ATP2B4: variants seen among roughly 807,000 people sequenced by gnomAD.
ATP2B4 encodes the protein ATPase plasma membrane Ca2+ transporting 4.
In ATP2B4, 39 loss-of-function variants were observed where a neutral mutation model predicts 110.3. The ratio of observed to expected loss-of-function variants is 0.35; its 90% CI spans 0.27 to 0.46. ATP2B4 has a LOEUF of 0.46. ATP2B4 is among the 20% of genes least tolerant of loss of function. ATP2B4 has a pLI of 1.00. For synonymous variants in ATP2B4, 538 were observed against 571.7 expected, an observed-to-expected ratio of 0.94 and a Z score of 0.84; for missense variants, 1,135 against 1,530.9, an observed-to-expected ratio of 0.74 and a Z score of 4.32.
At chr1:203,730,242 AAAG>A (rs1444294515) in intron 20 of ATP2B4, among the ~76,000 whole-genome samples, 2 of 151,432 alleles carry the variant, frequency 1.3e-5, no homozygotes, top group East Asian at 1.9e-4. Context: ...AAAAAAAAAA[AAAG>A]AAGAAAAAGA....
At position 203,710,980 on chromosome 1, in the gene ATP2B4, C is replaced by T; in HGVS notation, c.1903C>T (p.Leu635Phe). The T allele has an allele frequency of 1.2e-6, 2 of 1,614,084 alleles. No homozygotes were observed. Among genetic ancestry groups the T allele is most frequent in the African/African-American group, 1.3e-5 (1 of 75,022 alleles). The part of the protein sequence containing the change: ...TVIEPMACDG[L>F]RTICIAYRDF... ...CATCGAGCCCATGGCCTGTGATGGACTCCGGACTATCTGCATAGCTTACCG... is the reference window on the plus strand; with the variant it reads ...CATCGAGCCCATGGCCTGTGATGGATTCCGGACTATCTGCATAGCTTACCG... The change falls in exon 12 of 21, where the codon CTC becomes TTC. Residue 635 changes from leucine (L) to phenylalanine (F), a missense_variant. This residue lies in a region of ATP2B4 where 368 missense variants were observed against 455.9 expected (regional missense o/e 0.81). Transcript: ENST00000357681.
chr1:203,732,157 CAAAAAAA>C lies in ATP2B4; in HGVS notation c.3309+4599_3309+4605del, dbSNP rs567953858. Among the ~76,000 whole-genome samples, 27 of 48,112 alleles carry C rather than the reference CAAAAAAA, an allele frequency of 5.6e-4. No individual in the cohort carries two copies. The South Asian group carries it at 0.019, about 34-fold the overall frequency. 31.6% of individuals were successfully genotyped at this position (48,112 alleles called of 152,430 possible). On this transcript the variant is annotated intron_variant, in intron 20 of 20. Transcript: ENST00000357681. ...GCACCTTGCACTCCAGCCTGGGTGT[CAAAAAAA>C]AAAAAAAAAAAAGGAAGGAAGGAAG...
rs763293162 is a variant in ATP2B4, at chr1:203,720,768, G to A, written c.2598+28G>A. On this transcript the variant is annotated intron_variant, in intron 16 of 20. Coordinates refer to ENST00000357681, the MANE Select transcript of ATP2B4 (RefSeq NM_001684.5). ...GAAGGGGGTGTGGGTGGGCTGAGAC[G>A]GGAGGGATGAGTCAGGGGCTAAGGA... The A allele has an allele frequency of 1.5e-5, 24 of 1,595,040 alleles. No individual in the cohort carries two copies. The South Asian group carries it at 1.9e-4, about 13-fold the overall frequency.
Position 203,698,326 on chromosome 1 carries a change from T to G in ATP2B4, c.363T>G (p.Phe121Leu). 6.2e-7 allele frequency: 1 copy of G among 1,614,136 alleles called. No homozygotes were observed. Among genetic ancestry groups the G allele is most frequent in the Non-Finnish European group, 8.5e-7 (1 of 1,180,022 alleles). Reference sequence around the variant, plus strand: ...CCATCATCTCCCTGGTCCTGTCCTTTTATCGCCCTGCTGGTGAAGAAAATG... The same window carrying G: ...CCATCATCTCCCTGGTCCTGTCCTTGTATCGCCCTGCTGGTGAAGAAAATG... ...IAAIISLVLS[F>L]YRPAGEENEL... is the part of the protein sequence containing the mutation. Residue 121 changes from phenylalanine to leucine, a missense_variant, in exon 3 of 21, where the codon TTT (phenylalanine) becomes TTG (leucine). Coordinates refer to ENST00000357681, the MANE Select transcript of ATP2B4 (RefSeq NM_001684.5).
At chr1:203,673,455 G>T (rs907027329) in intron 1 of ATP2B4, among the ~76,000 whole-genome samples, 1 of 152,202 alleles carries the variant, frequency 6.6e-6, no homozygotes, top group African/African-American at 2.4e-5. Context: ...GCAGAGGGGT[G>T]GCAGGTTATT....
chr1:203,714,092 T>C (rs1666090652), intron 14 of ATP2B4, 79 bp from the exon 15 acceptor site: 5 of 1,320,890 alleles, frequency 3.8e-6, no homozygotes, highest in Non-Finnish European at 4.3e-6. Flanking sequence ...AAGAAGAAAG[T>C]AGAAGGAGTG....
In ATP2B4 at chr1:203,695,457, C is replaced by A. The variant is rs553028737; in HGVS notation, c.194-2700C>A. Among the ~76,000 whole-genome samples the A allele has an allele frequency of 8.5e-5, 13 of 152,060 alleles. No homozygotes were observed. In the South Asian group the frequency reaches 2.1e-3, roughly 24 times the overall value. ...GGCAGGGAGTCTCTGGGGAGCAACC[C>A]AATTTGCTTCTAGAGGTTTGGCCAA... On this transcript the variant is annotated intron_variant, in intron 2 of 20. Transcript: ENST00000357681.
In ATP2B4 at chr1:203,712,199, A is replaced by C. The variant is rs879730951; in HGVS notation, c.2211+60A>C. 12 of 1,566,902 alleles carry C rather than the reference A, an allele frequency of 7.7e-6. No individual in the cohort carries two copies. In the South Asian group the frequency reaches 8.2e-5, roughly 11 times the overall value. On this transcript the variant is annotated intron_variant, in intron 13 of 20. Coordinates refer to ENST00000357681, the MANE Select transcript of ATP2B4 (RefSeq NM_001684.5). ...TGACAAGGAAAAGGCGGGTTCTAGC[A>C]TAAGGCATCTGGGTCATGTGCGGGA...
At chr1:203,729,633 G>T (rs763339817) in intron 20 of ATP2B4, 5 of 963,780 alleles carry the variant, frequency 5.2e-6, no homozygotes, top group Non-Finnish European at 7.6e-6. Context: ...TTTTCTGTCT[G>T]CCAGAGAAAC....
At chr1:203,648,897 G>A (rs1663893646) in intron 1 of ATP2B4, among the ~76,000 whole-genome samples, 2 of 152,164 alleles carry the variant, frequency 1.3e-5, no homozygotes, top group African/African-American at 4.8e-5. Flanking sequence ...GTAATGCAAT[G>A]CATGGGAAGG....
chr1:203,690,097 C>T (rs1023893609), intron 2 of ATP2B4, among the ~76,000 whole-genome samples: 2 of 152,252 alleles, frequency 1.3e-5, no homozygotes, highest in East Asian at 1.9e-4. Context: ...TGTTTTAAGA[C>T]GGCCAACCCA....
intron 2 of ATP2B4, among the ~76,000 whole-genome samples, chr1:203,695,081 C>T (rs1376298154): frequency 6.6e-6 from 1 of 152,162 alleles, no homozygotes; most frequent in East Asian, 1.9e-4. Flanking sequence ...ACCTTATGAT[C>T]TTTAATATCT....
chr1:203,722,743 G>T, intron 18 of ATP2B4, 54 bp downstream of exon 18: 1 of 1,571,374 alleles, frequency 6.4e-7, no homozygotes, highest in Non-Finnish European at 8.7e-7. Flanking sequence ...AAGGGCAGAA[G>T]CTGGGAGCCA....
intron 1 of ATP2B4, among the ~76,000 whole-genome samples, chr1:203,646,391 T>C (rs1395494343): frequency 2.0e-5 from 3 of 152,082 alleles, no homozygotes; most frequent in African/African-American, 2.4e-5. Flanking sequence ...GGCAGAAGAA[T>C]TGCTTGAGTC....
rs750395791 is a variant in ATP2B4, at chr1:203,669,717, G to A, written c.-464-13025G>A. Among the ~76,000 whole-genome samples, 10 of 152,304 alleles carry A rather than the reference G, an allele frequency of 6.6e-5. No homozygotes were observed. The East Asian group carries it at 1.2e-3, about 18-fold the overall frequency. On this transcript the variant is annotated intron_variant, in intron 1 of 20. Transcript: ENST00000357681. ...CTCCCAAAGCGCTGGGATTACAGGC[G>A]TGAGCCACCGTTCCTGGCCCCTTTC...
chr1:203,720,034 T>C (rs1666275927), intron 15 of ATP2B4, among the ~76,000 whole-genome samples: 1 of 152,180 alleles, frequency 6.6e-6, no homozygotes, highest in Non-Finnish European at 1.5e-5. Context: ...ATCCTGCCAC[T>C]GCACTCCAGC....
intron 1 of ATP2B4, among the ~76,000 whole-genome samples, chr1:203,663,416 G>T (rs1409963853): frequency 6.6e-6 from 1 of 151,778 alleles, no homozygotes; most frequent in Non-Finnish European, 1.5e-5. Flanking sequence ...GTACTCTCAG[G>T]GTACCCATGG....
intron 17 of ATP2B4, 59 bp from the exon 18 acceptor site, chr1:203,722,419 C>A: frequency 1.5e-6 from 2 of 1,343,392 alleles, no homozygotes; most frequent in Non-Finnish European, 2.1e-6. Flanking sequence ...TGTACCAACA[C>A]ATTCTTACTC....
Position 203,698,333 on chromosome 1 carries a change from C to T in ATP2B4, c.370C>T (p.Pro124Ser), listed in dbSNP as rs1665594439. The T allele has an allele frequency of 6.2e-7, 1 of 1,613,986 alleles. No homozygotes were observed. The highest frequency in any genetic ancestry group is 8.5e-7 in the Non-Finnish European group (1 of 1,180,032). Residue 124 changes from proline (P) to serine (S), a missense_variant, in exon 3 of 21, where the codon CCT (proline) becomes TCT (serine). Coordinates refer to ENST00000357681, the MANE Select transcript of ATP2B4 (RefSeq NM_001684.5). The stretch of plus-strand genomic sequence containing the variant: ...CTCCCTGGTCCTGTCCTTTTATCGC[C>T]CTGCTGGTGAAGAAAATGAACGTGA... Reference protein sequence around the residue: ...IISLVLSFYRPAGEENELCGQ... With the variant: ...IISLVLSFYRSAGEENELCGQ...
Sources: gnomAD v4.1 joint callset for allele counts (sites outside exome capture counted in the v4.1 genomes callset) on GRCh38, gnomAD v4.1.1 for gene constraint, gnomAD v4.1.1 regional missense constraint, MANE v1.5 for transcripts, NCBI Gene and HGNC (gene_info 2026-07-23, HGNC 2026-07-21) for gene names.